Variants in SLCO1B3 observed in about 807,000 individuals in gnomAD.
SLCO1B3 encodes the protein liver-specific organic anion transporter 2.
Under a neutral mutation model 71.8 loss-of-function variants are expected in SLCO1B3, and 72 were observed. That is an observed-to-expected ratio of 1.00 (90% CI 0.83 to 1.22). SLCO1B3 has a LOEUF of 1.22. Ranked by LOEUF, SLCO1B3 falls within the 50% of genes most tolerant of loss-of-function variation. SLCO1B3 has a pLI of 0.00. For synonymous variants in SLCO1B3, 298 were observed against 278.4 expected (o/e 1.07, Z -0.70); for missense variants, 911 against 819.7 (o/e 1.11, Z -1.36).
chr12:20,903,225 C>T (rs953030904), intron 15 of SLCO1B3, among the ~76,000 whole-genome samples: 1 of 152,024 alleles, frequency 6.6e-6, no homozygotes, highest in Non-Finnish European at 1.5e-5. Flanking sequence ...AGTTATTGTA[C>T]GATTAAGCCA....
rs570505313 is a variant in SLCO1B3, at chr12:20,864,172, A to G, written c.727+1318A>G. On this transcript the variant is annotated intron_variant, in intron 8 of 15. Transcript: ENST00000381545. ...TTTATGGTTCTCAAAGTCTCTTTCA[A>G]CATGTGACTTTTCTCATGTAACCCT... Among the ~76,000 whole-genome samples, 16 of 152,282 alleles carry G rather than the reference A, an allele frequency of 1.1e-4. No homozygotes were observed. The South Asian group carries it at 1.7e-3, about 16-fold the overall frequency.
intron 15 of SLCO1B3, among the ~76,000 whole-genome samples, chr12:20,905,080 G>A (rs1260024095): frequency 6.6e-6 from 1 of 152,088 alleles, no homozygotes; most frequent in African/African-American, 2.4e-5. Flanking sequence ...CATGTGAAAG[G>A]CACCAAAGCT....
At position 20,815,660 on chromosome 12, in the gene SLCO1B3, T is replaced by G; in HGVS notation, c.-65-14T>G. On this transcript the variant is annotated splice_polypyrimidine_tract_variant and intron_variant, in intron 2 of 15. Coordinates refer to ENST00000381545, the MANE Select transcript of SLCO1B3 (RefSeq NM_019844.4). ...GTTAAAGTAAAATAAATTATACTTT[T>G]TCTTTTTTAACAGGTGATCATTTCA... 1.1e-6 allele frequency: 1 copy of G among 910,888 alleles called. No individual in the cohort carries two copies. Among genetic ancestry groups the G allele is most frequent in the East Asian group, 2.5e-5 (1 of 39,990 alleles). 56.4% of individuals were successfully genotyped at this position (910,888 alleles called of 1,614,324 possible).
At chr12:20,810,932 C>A (rs1428496744) in intron 1 of SLCO1B3, among the ~76,000 whole-genome samples, 168 bp downstream of exon 1, 1 of 152,034 alleles carries the variant, frequency 6.6e-6, no homozygotes, top group Admixed American at 6.6e-5. Context: ...AATATCCCTT[C>A]TAGAAATAGA....
intron 3 of SLCO1B3, among the ~76,000 whole-genome samples, chr12:20,848,634 A>G (rs10841671): frequency 0.72 from 109,894 of 151,866 alleles, 42,344 homozygotes; most frequent in South Asian, 0.9. Context: ...CAGTCAAACA[A>G]TGTAATTTTT....
At chr12:20,910,938 C>A (rs1866361155) in intron 15 of SLCO1B3, among the ~76,000 whole-genome samples, 2 of 151,766 alleles carry the variant, frequency 1.3e-5, no homozygotes, top group African/African-American at 4.8e-5. Flanking sequence ...ATATACCATT[C>A]CCTTTTGACT....
intron 3 of SLCO1B3, among the ~76,000 whole-genome samples, chr12:20,833,341 A>G (rs375513815): frequency 8.4e-4 from 127 of 151,872 alleles, no homozygotes; most frequent in African/African-American, 3.0e-3. Context: ...TTTAAGGGTC[A>G]TTACTCTACC....
chr12:20,862,315 A>G, intron 6 of SLCO1B3, 97 bp from the exon 7 acceptor site: 2 of 1,366,304 alleles, frequency 1.5e-6, no homozygotes, highest in East Asian at 2.5e-5. Context: ...GAAACAAACA[A>G]ACAAAAAATG....
At chr12:20,900,832 T>C (rs1866115842) in intron 14 of SLCO1B3, among the ~76,000 whole-genome samples, 1 of 152,198 alleles carries the variant, frequency 6.6e-6, no homozygotes. Flanking sequence ...GGGCCTGAAC[T>C]TCTCTGGGGA....
chr12:20,878,547 A>G (rs1359335086), intron 10 of SLCO1B3, among the ~76,000 whole-genome samples: 2 of 152,150 alleles, frequency 1.3e-5, no homozygotes, highest in African/African-American at 4.8e-5. Flanking sequence ...TAGAAATTTG[A>G]TAAGTATTTG....
intron 9 of SLCO1B3, among the ~76,000 whole-genome samples, chr12:20,875,935 A>C (rs1865570610): frequency 6.6e-6 from 1 of 152,034 alleles, no homozygotes; most frequent in African/African-American, 2.4e-5. Context: ...AAAGTATCTT[A>C]AGTACTATGG....
chr12:20,896,003 C>G (rs528259637), intron 13 of SLCO1B3, among the ~76,000 whole-genome samples: 1 of 152,334 alleles, frequency 6.6e-6, no homozygotes, highest in East Asian at 1.9e-4. Flanking sequence ...ACAGCCCAAG[C>G]TCTACATTGG....
rs747347965 is a variant in SLCO1B3, at chr12:20,881,038, C to CT, written c.1497+23dup. Reference sequence around the variant, plus strand: ...AGCATACAGTGAGTATTAGTTTTCACTTTTTCTCCTCTCCTTAATCAAAAT... The same window carrying CT: ...AGCATACAGTGAGTATTAGTTTTCACTTTTTTCTCCTCTCCTTAATCAAAAT... On this transcript the variant is annotated intron_variant, in intron 12 of 15. Transcript: ENST00000381545. The CT allele has an allele frequency of 6.5e-7, 1 of 1,542,856 alleles. No individual in the cohort carries two copies. The highest frequency in any genetic ancestry group is 8.8e-7 in the Non-Finnish European group (1 of 1,135,496).
chr12:20,895,056 C>A (rs1037533376), intron 13 of SLCO1B3, among the ~76,000 whole-genome samples: 1 of 152,162 alleles, frequency 6.6e-6, no homozygotes, highest in African/African-American at 2.4e-5. Context: ...TATTCACTAT[C>A]ATGGAACAGC....
At position 20,822,345 on chromosome 12, in the gene SLCO1B3, T is replaced by C. The variant is rs1864329771; in HGVS notation, c.84+6523T>C. Among the ~76,000 whole-genome samples, 3 of 151,426 alleles carry C rather than the reference T, an allele frequency of 2.0e-5. 1 individual carries two copies. In the South Asian group the frequency reaches 6.3e-4, roughly 32 times the overall value. ...TAGGATTTGGGAAGGTAAAGGAAAA[T>C]TACAGTCAAAGGGGGTTGTTCTCTG... On this transcript the variant is annotated intron_variant, in intron 3 of 15. Transcript: ENST00000381545.
chr12:20,812,017 C>G (rs1365325002), intron 1 of SLCO1B3, among the ~76,000 whole-genome samples: 1 of 150,360 alleles, frequency 6.7e-6, no homozygotes, highest in African/African-American at 2.4e-5. Flanking sequence ...AAGTGATTCT[C>G]CTGCCTGAGC....
chr12:20,818,991 A>G (rs969608744), intron 3 of SLCO1B3, among the ~76,000 whole-genome samples: 1 of 152,012 alleles, frequency 6.6e-6, no homozygotes. Flanking sequence ...TGCGTCAGGT[A>G]TGAGGAAGAA....
At position 20,858,462 on chromosome 12, in the gene SLCO1B3, G is replaced by T; in HGVS notation, c.250G>T (p.Val84Leu). ...AGGAAATTTGCTTGTGATTGTATTTGTAAGTTACTTTGGATCTAAACTACA... is the reference window on the plus strand; with the variant it reads ...AGGAAATTTGCTTGTGATTGTATTTTTAAGTTACTTTGGATCTAAACTACA... ...EIGNLLVIVFVSYFGSKLHRP... is the reference protein window; with the variant it reads ...EIGNLLVIVFLSYFGSKLHRP... Residue 84 changes from valine (V) to leucine (L), a missense_variant, in exon 5 of 16, where the codon GTA becomes TTA. Coordinates refer to ENST00000381545, the MANE Select transcript of SLCO1B3 (RefSeq NM_019844.4). 6.3e-7 allele frequency: 1 copy of T among 1,590,040 alleles called. No homozygotes were observed. The highest frequency in any genetic ancestry group is 8.6e-7 in the Non-Finnish European group (1 of 1,158,678).
At chr12:20,912,546 G>A (rs1866405341) in intron 15 of SLCO1B3, among the ~76,000 whole-genome samples, 1 of 138,384 alleles carries the variant, frequency 7.2e-6, no homozygotes, top group Admixed American at 7.6e-5. Context: ...TTTTTCAGAT[G>A]GAGTTTCACT....
Sources: allele counts gnomAD v4.1 joint callset (sites outside exome capture counted in the v4.1 genomes callset), GRCh38; gene constraint gnomAD v4.1.1; transcripts MANE v1.5; gene names NCBI Gene and HGNC (gene_info 2026-07-23, HGNC 2026-07-21).